RALGAPA1: variants seen among roughly 807,000 people sequenced by gnomAD.
RALGAPA1 encodes the protein ral GTPase-activating protein subunit alpha-1.
RALGAPA1 carries 52 observed loss-of-function variants against 269.6 expected under a neutral mutation model. That is an observed-to-expected ratio of 0.19 (90% CI 0.15 to 0.24). The LOEUF is 0.24. Among genes scored for constraint, RALGAPA1 ranks in the 10% least tolerant of loss-of-function variants. The pLI is 1.00. For synonymous variants in RALGAPA1, 817 were observed against 1,008.3 expected (o/e 0.81, Z 3.60); for missense variants, 1,917 against 3,013.9 (o/e 0.64, Z 8.52).
At chr14:35,770,466 A>C (rs2074528945) in intron 4 of RALGAPA1, among the ~76,000 whole-genome samples, 1 of 152,200 alleles carries the variant, frequency 6.6e-6, no homozygotes, top group African/African-American at 2.4e-5. Context: ...TGATTAAAAA[A>C]AAAAGTAACT....
chr14:35,782,657 A>G (rs574064812), intron 1 of RALGAPA1, among the ~76,000 whole-genome samples: 1 of 151,406 alleles, frequency 6.6e-6, no homozygotes, highest in Non-Finnish European at 1.5e-5. Flanking sequence ...CTCCTAACCT[A>G]AGGTGATCCA....
intron 36 of RALGAPA1, among the ~76,000 whole-genome samples, chr14:35,603,690 T>G (rs1245275728): frequency 1.3e-5 from 2 of 152,176 alleles, no homozygotes; most frequent in African/African-American, 4.8e-5. Flanking sequence ...ATCCTATCAT[T>G]TGCAGAAGCA....
chr14:35,709,777 A>G (rs2068133695), intron 16 of RALGAPA1, among the ~76,000 whole-genome samples: 1 of 152,230 alleles, frequency 6.6e-6, no homozygotes, highest in Admixed American at 6.5e-5. Flanking sequence ...TCTACAATTT[A>G]TCTTGAAACA....
chr14:35,733,815 C>T (rs569704996), intron 12 of RALGAPA1, among the ~76,000 whole-genome samples: 3 of 152,044 alleles, frequency 2.0e-5, no homozygotes, highest in Non-Finnish European at 4.4e-5. Flanking sequence ...AATTGATAGA[C>T]CCTTAGAAAG....
intron 37 of RALGAPA1, among the ~76,000 whole-genome samples, chr14:35,573,174 G>C (rs1288136871): frequency 6.6e-6 from 1 of 152,110 alleles, no homozygotes; most frequent in Non-Finnish European, 1.5e-5. Flanking sequence ...CTTGAGAATT[G>C]TTAGACCCTC....
chr14:35,539,782 C>A, intron 41 of RALGAPA1, 92 bp from the exon 42 acceptor site: 1 of 1,530,208 alleles, frequency 6.5e-7, no homozygotes, highest in African/African-American at 1.4e-5. Flanking sequence ...GCAAGGATCC[C>A]ATCCCTTAAT....
chr14:35,576,199 T>C (rs919844513), intron 37 of RALGAPA1, among the ~76,000 whole-genome samples: 2 of 152,224 alleles, frequency 1.3e-5, no homozygotes, highest in African/African-American at 4.8e-5. Flanking sequence ...CAACACATGC[T>C]CTGGATAATA....
intron 9 of RALGAPA1, among the ~76,000 whole-genome samples, chr14:35,750,030 T>C (rs2072529520): frequency 6.6e-6 from 1 of 152,160 alleles, no homozygotes; most frequent in Non-Finnish European, 1.5e-5. Flanking sequence ...TCCTCTACTG[T>C]ATTGCTTTGT....
Position 35,655,865 on chromosome 14 carries a change from T to C in RALGAPA1, c.5438A>G (p.His1813Arg). The C allele has an allele frequency of 6.2e-7, 1 of 1,613,584 alleles. No homozygotes were observed. The highest frequency in any genetic ancestry group is 2.2e-5 in the East Asian group (1 of 44,788). ...CTTAATTTGAGGATGATGAGACTCA[T>C]GGACTAGTTCTTCACAAATCCAAAT... ...LGIWICEELV[H>R]ESHHPQIKEA... is the part of the protein sequence containing the mutation. The change falls in exon 29 of 42, where the codon CAT becomes CGT. Residue 1813 changes from histidine to arginine, a missense_variant. His to Arg is a conservative substitution (Grantham distance 29). Coordinates refer to ENST00000680220, the MANE Select transcript of RALGAPA1 (RefSeq NM_001346249.2).
intron 37 of RALGAPA1, among the ~76,000 whole-genome samples, chr14:35,581,380 T>C (rs2057938857): frequency 6.6e-6 from 1 of 152,128 alleles, no homozygotes; most frequent in Non-Finnish European, 1.5e-5. Context: ...TTAAGCTAAT[T>C]ACACTGAATT....
At chr14:35,771,621 C>T (rs1410046264) in intron 3 of RALGAPA1, among the ~76,000 whole-genome samples, 1 of 152,090 alleles carries the variant, frequency 6.6e-6, no homozygotes, top group East Asian at 1.9e-4. Context: ...AATGCTAATT[C>T]TAATATATTT....
intron 26 of RALGAPA1, among the ~76,000 whole-genome samples, chr14:35,668,352 G>A (rs374569439): frequency 1.0e-3 from 153 of 152,056 alleles, no homozygotes; most frequent in South Asian, 8.7e-3. Context: ...GCATGATGGC[G>A]CGGGCCTGTA....
chr14:35,554,247 T>C (rs972394769), intron 39 of RALGAPA1, among the ~76,000 whole-genome samples: 1 of 151,794 alleles, frequency 6.6e-6, no homozygotes, highest in African/African-American at 2.4e-5. Flanking sequence ...TTCCACATCA[T>C]ACATCTTGAA....
chr14:35,671,307 T>C (rs1224012742), intron 26 of RALGAPA1, 82 bp downstream of exon 26: 13 of 1,287,326 alleles, frequency 1.0e-5, no homozygotes, highest in Non-Finnish European at 1.4e-5. Flanking sequence ...TTCCTGATTA[T>C]CAGCTTGTTA....
chr14:35,660,112 C>A (rs1266479430), intron 27 of RALGAPA1, among the ~76,000 whole-genome samples: 1 of 151,968 alleles, frequency 6.6e-6, no homozygotes, highest in Non-Finnish European at 1.5e-5. Context: ...AGATTAGGAA[C>A]AAGATAAAGA....
At chr14:35,614,003 T>TA (rs928241291) in intron 35 of RALGAPA1, among the ~76,000 whole-genome samples, 2 of 152,026 alleles carry the variant, frequency 1.3e-5, no homozygotes, top group Non-Finnish European at 2.9e-5. Context: ...AAAGCAATAC[T>TA]AAAAAAATCT....
chr14:35,798,856 C>T (rs756185792), intron 1 of RALGAPA1, among the ~76,000 whole-genome samples: 1 of 152,088 alleles, frequency 6.6e-6, no homozygotes. Context: ...ATTAGCCAGG[C>T]GTAGTGGTAC....
In RALGAPA1 at chr14:35,634,717, T is replaced by C. The variant is rs374486689; in HGVS notation, c.5852A>G (p.Asn1951Ser). The C allele has an allele frequency of 7.4e-6, 12 of 1,612,438 alleles. No individual in the cohort carries two copies. The highest frequency in any genetic ancestry group is 4.0e-5 in the African/African-American group (3 of 74,788). The change falls in exon 33 of 42, where the codon AAT becomes AGT. Residue 1951 changes from asparagine to serine, a missense_variant. This residue lies in a region of RALGAPA1 where 346 missense variants were observed against 566.1 expected (regional missense o/e 0.61). Transcript: ENST00000680220. ...GCVYGAQCFS[N>S]PRYFPMSLSD... ...GAGGCTCATGGGAAAATACCTTGGA[T>C]TGCTAAAACACTGAGCTCCATAAAC...
At position 35,683,659 on chromosome 14, in the gene RALGAPA1, C is replaced by T. The variant is rs189619852; in HGVS notation, c.4471+150G>A. 3.8e-5 allele frequency: 23 copies of T among 609,354 alleles called. No individual in the cohort carries two copies. The East Asian group carries it at 5.2e-4, about 14-fold the overall frequency. The allele number at this position is 609,354 out of a possible 1,614,324, so 37.7% of individuals were successfully genotyped here. A position where few individuals can be genotyped will look rare whatever the true frequency, so the allele number is the denominator to read the frequency against. ...GGACCTCAGGTCAAGAAACTAATGT[C>T]TTTTCTCCCCTTCATTGTTACATAA... On this transcript the variant is annotated intron_variant, in intron 21 of 41. Coordinates refer to ENST00000680220, the MANE Select transcript of RALGAPA1 (RefSeq NM_001346249.2).
Sources: allele counts gnomAD v4.1 joint callset (sites outside exome capture counted in the v4.1 genomes callset), GRCh38; gene constraint gnomAD v4.1.1; regional missense constraint gnomAD v4.1.1; transcripts MANE v1.5; gene names NCBI Gene and HGNC (gene_info 2026-07-23, HGNC 2026-07-21).